The following ITPR1 variants were observed in gnomAD, a reference collection of about 807,000 sequenced individuals.
The protein encoded by ITPR1 is inositol 1,4,5-trisphosphate receptor type 1, also known as inositol 1,4,5-trisphosphate-gated calcium channel ITPR1.
A neutral mutation model predicts 318.4 loss-of-function variants in ITPR1; 96 were observed. The ratio of observed to expected loss-of-function variants is 0.30; its 90% CI spans 0.26 to 0.36. The LOEUF is 0.36. ITPR1 is among the 10% of genes least tolerant of loss of function. The probability of loss-of-function intolerance (pLI) is 1.00; values close to 1 mark genes in which losing one functional copy is unlikely to be tolerated. For synonymous variants in ITPR1, 1,312 were observed against 1,289.9 expected (o/e 1.02, Z -0.37); for missense variants, 2,440 against 3,460.2 (o/e 0.71, Z 7.40).
chr3:4,621,360 C>G (rs2092624405), intron 4 of ITPR1, among the ~76,000 whole-genome samples: 1 of 152,084 alleles, frequency 6.6e-6, no homozygotes, highest in Admixed American at 6.5e-5. Flanking sequence ...CACTTTTAAA[C>G]AACTAGATCT....
intron 2 of ITPR1, among the ~76,000 whole-genome samples, chr3:4,508,495 T>C (rs937902540): frequency 6.7e-6 from 1 of 148,408 alleles, no homozygotes; most frequent in Non-Finnish European, 1.5e-5. Flanking sequence ...GTAATGCAAT[T>C]AGTTAAGTGT....
intron 38 of ITPR1, 89 bp from the exon 39 acceptor site, chr3:4,711,668 A>T (rs189303050): frequency 1.4e-6 from 1 of 734,706 alleles, no homozygotes; most frequent in East Asian, 2.7e-5. Context: ...TTTGTTCATT[A>T]ACGGACTAGT....
intron 2 of ITPR1, among the ~76,000 whole-genome samples, chr3:4,507,120 G>A (rs955244130): frequency 3.1e-4 from 42 of 137,602 alleles, no homozygotes; most frequent in Non-Finnish European, 5.7e-4. Context: ...TTTTTTTTGC[G>A]AATCACTTTG....
chr3:4,814,338 T>C, intron 57 of ITPR1, 85 bp from the exon 58 acceptor site: 6 of 1,352,588 alleles, frequency 4.4e-6, no homozygotes, highest in South Asian at 1.2e-5. Context: ...CCTGGTGAGA[T>C]GGCATTCAGG....
chr3:4,511,782 G>T (rs542365587), intron 2 of ITPR1, among the ~76,000 whole-genome samples: 1 of 152,154 alleles, frequency 6.6e-6, no homozygotes, highest in Non-Finnish European at 1.5e-5. Context: ...TGCCTGCCAT[G>T]GGCTGAGAGG....
At chr3:4,630,664 CA>C (rs796108342) in intron 5 of ITPR1, among the ~76,000 whole-genome samples, 56 of 151,730 alleles carry the variant, frequency 3.7e-4, no homozygotes, top group African/African-American at 1.2e-3. Flanking sequence ...CGGCCTACTG[CA>C]ACCTCCGCCT....
chr3:4,668,181 A>T (rs1306633405), intron 18 of ITPR1, among the ~76,000 whole-genome samples: 1 of 149,348 alleles, frequency 6.7e-6, no homozygotes, highest in African/African-American at 2.5e-5. Context: ...TACCCAATTT[A>T]CCTACAAACA....
At chr3:4,517,794 C>A (rs2082273457) in intron 3 of ITPR1, among the ~76,000 whole-genome samples, 1 of 152,168 alleles carries the variant, frequency 6.6e-6, no homozygotes, top group African/African-American at 2.4e-5. Context: ...CTCCTTTCTT[C>A]ATGGTTGGCT....
Position 4,658,296 on chromosome 3 carries a change from C to G in ITPR1, c.1151+18C>G, listed in dbSNP as rs1559630339. 1.9e-6 allele frequency: 3 copies of G among 1,592,830 alleles called. No homozygotes were observed. Among genetic ancestry groups the G allele is most frequent in the Admixed American group, 1.7e-5 (1 of 59,238 alleles). On this transcript the variant is annotated intron_variant, in intron 13 of 61. Coordinates refer to ENST00000649015, the MANE Select transcript of ITPR1 (RefSeq NM_001378452.1). ...GTCCCAAGGTATCATTTTAAAATTG[C>G]TTTTCCCCAAAGAATCAGGCCTGGT...
intron 42 of ITPR1, 93 bp from the exon 43 acceptor site, chr3:4,732,995 A>G (rs750326960): frequency 2.0e-5 from 27 of 1,324,936 alleles, no homozygotes; most frequent in Non-Finnish European, 2.8e-5. Flanking sequence ...AACTGGGCCA[A>G]TTATAACTGA....
chr3:4,617,420 T>C (rs1478052968), intron 4 of ITPR1, among the ~76,000 whole-genome samples: 1 of 152,072 alleles, frequency 6.6e-6, no homozygotes, highest in Non-Finnish European at 1.5e-5. Context: ...CTGTTCTTCA[T>C]AGGGCAGAAG....
rs1444438302 is a variant in ITPR1 at position 4,710,593 on chromosome 3, G to T, written c.4991+120G>T. On this transcript the variant is annotated intron_variant, in intron 38 of 61. Coordinates refer to ENST00000649015, the MANE Select transcript of ITPR1 (RefSeq NM_001378452.1). This position sits in a 1 kb window ranked among gnomAD's most constrained non-coding sequence, Gnocchi z 4.2. ...TTAACTTTGATGAATGCAAGGTCATGTGCTAAAGTCCTGTTCTGACCTCCC... is the reference window on the plus strand; with the variant it reads ...TTAACTTTGATGAATGCAAGGTCATTTGCTAAAGTCCTGTTCTGACCTCCC... The T allele has an allele frequency of 1.0e-6, 1 of 989,198 alleles. No individual in the cohort carries two copies. Among genetic ancestry groups the T allele is most frequent in the Non-Finnish European group, 1.5e-6 (1 of 682,940 alleles). The allele number at this position is 989,198 out of a possible 1,614,324, so 61.3% of individuals were successfully genotyped here.
chr3:4,844,974 T>C (rs1177123238), intron 61 of ITPR1, among the ~76,000 whole-genome samples: 1 of 152,182 alleles, frequency 6.6e-6, no homozygotes, highest in African/African-American at 2.4e-5. Flanking sequence ...CAAAAATGAG[T>C]TCATGTGAAA....
At chr3:4,513,931 C>T (rs892710687) in intron 2 of ITPR1, among the ~76,000 whole-genome samples, 3 of 152,088 alleles carry the variant, frequency 2.0e-5, no homozygotes, top group African/African-American at 7.2e-5. Flanking sequence ...ACAAAAAATA[C>T]AAACGTTTAG....
chr3:4,550,368 C>A (rs1559429952), intron 4 of ITPR1, among the ~76,000 whole-genome samples: 1 of 152,172 alleles, frequency 6.6e-6, no homozygotes, highest in Non-Finnish European at 1.5e-5. Context: ...CCGTCCAACC[C>A]ACAGACGCGC....
At position 4,683,457 on chromosome 3, in the gene ITPR1, C is replaced by T. The variant is rs956731933; in HGVS notation, c.3233C>T (p.Thr1078Met). Residue 1078 changes from threonine to methionine, a missense_variant, in exon 27 of 62, where the codon ACG becomes ATG. Physicochemically the swap from Thr to Met is moderately conservative, Grantham distance 81. Coordinates refer to ENST00000649015, the MANE Select transcript of ITPR1 (RefSeq NM_001378452.1). ...RTFLRVLLHL[T>M]MHDYPPLVSG... is the part of the protein sequence containing the mutation. ...TTTCTCCGTGTCCTGCTCCACTTGA[C>T]GATGCATGACTACCCACCCCTGGTG... 4 of 1,613,922 alleles carry T rather than the reference C, an allele frequency of 2.5e-6. No homozygotes were observed. The highest frequency in any genetic ancestry group is 1.3e-5 in the African/African-American group (1 of 74,944).
At chr3:4,597,985 T>C (rs910064273) in intron 4 of ITPR1, among the ~76,000 whole-genome samples, 2 of 152,224 alleles carry the variant, frequency 1.3e-5, no homozygotes, top group Non-Finnish European at 2.9e-5. Flanking sequence ...TGATAAACCA[T>C]CCTTCAGCTT....
At chr3:4,754,204 C>T (rs760052864) in intron 44 of ITPR1, among the ~76,000 whole-genome samples, 1 of 152,092 alleles carries the variant, frequency 6.6e-6, no homozygotes, top group Non-Finnish European at 1.5e-5. Flanking sequence ...GGAGTTGTTT[C>T]CAGAGATCGA....
chr3:4,840,029 CTTTTTTTTTTTTTTT>C (rs56096727), intron 61 of ITPR1, among the ~76,000 whole-genome samples: 60,037 of 106,984 alleles, frequency 0.56, 14,778 homozygotes, highest in East Asian at 0.67. Flanking sequence ...AGCATAGCTG[CTTTTTTTTTTTTTTT>C]TTTTTTTTTT....
Sources: gnomAD v4.1 joint callset for allele counts (sites outside exome capture counted in the v4.1 genomes callset) on GRCh38, gnomAD v4.1.1 for gene constraint, Gnocchi (gnomAD v3.1) non-coding constraint, MANE v1.5 for transcripts, NCBI Gene and HGNC (gene_info 2026-07-23, HGNC 2026-07-21) for gene names.